Variants in ZEB1 observed in about 807,000 individuals in gnomAD.
ZEB1 encodes zinc finger E-box binding homeobox 1.
A neutral mutation model predicts 84.9 loss-of-function variants in ZEB1; 21 were observed. The observed-to-expected ratio is 0.25, with a 90% CI of 0.18 to 0.36. The LOEUF (loss-of-function observed/expected upper bound fraction) is 0.36, where lower values mean the gene tolerates loss of function less well. ZEB1 is among the 10% of genes least tolerant of loss of function. ZEB1 has a pLI of 1.00. For synonymous variants in ZEB1, 420 were observed against 471.1 expected, an observed-to-expected ratio of 0.89 and a Z score of 1.41; for missense variants, 1,104 against 1,330.2, an observed-to-expected ratio of 0.83 and a Z score of 2.65.
intron 4 of ZEB1, among the ~76,000 whole-genome samples, chr10:31,504,718 A>G (rs1359673118): frequency 6.6e-6 from 1 of 151,958 alleles, no homozygotes; most frequent in Non-Finnish European, 1.5e-5. Flanking sequence ...TGTAGCTACT[A>G]TAAATGAGAT....
chr10:31,524,152 G>T, intron 8 of ZEB1, 39 bp downstream of exon 8: 1 of 1,564,336 alleles, frequency 6.4e-7, no homozygotes, highest in Non-Finnish European at 8.8e-7. Flanking sequence ...TCCATGATAT[G>T]ATATACTGGA....
rs1050015633 is a variant in ZEB1, at chr10:31,448,514, C to A, written c.59-12523C>A. 5.4e-4 allele frequency among the ~76,000 whole-genome samples: 81 copies of A among 150,870 alleles called. 3 individuals are homozygous for A. The highest frequency in any genetic ancestry group is 2.0e-3 in the African/African-American group (79 of 40,480). ...CTGCGTTTTAGAGTTTCCACTTTTT[C>A]TGTTCTGTTTTTTCCCCATCTTTGT... On this transcript the variant is annotated intron_variant, in intron 1 of 8. Coordinates refer to ENST00000424869, the MANE Select transcript of ZEB1 (RefSeq NM_001174096.2).
chr10:31,519,990 T>C (rs1447679443), intron 6 of ZEB1, 136 bp from the exon 7 acceptor site: 2 of 1,186,716 alleles, frequency 1.7e-6, no homozygotes, highest in African/African-American at 3.1e-5. Flanking sequence ...AAGTTTATTC[T>C]AAATACAGTT....
chr10:31,498,364 TTCTC>T (rs2067584173), intron 3 of ZEB1, among the ~76,000 whole-genome samples: 1 of 152,066 alleles, frequency 6.6e-6, no homozygotes, highest in South Asian at 2.1e-4. Context: ...GTAATACATT[TTCTC>T]TCTGTGATCT....
At chr10:31,411,028 G>A (rs555550410) in intron 1 of ZEB1, among the ~76,000 whole-genome samples, 13 of 151,812 alleles carry the variant, frequency 8.6e-5, no homozygotes, top group African/African-American at 1.7e-4. Flanking sequence ...ATTTCTTGTC[G>A]TCTGCTAGCT....
chr10:31,528,706 A>G lies in ZEB1; in HGVS notation c.*1442A>G, dbSNP rs1834606974. On this transcript the variant is annotated 3_prime_UTR_variant, in exon 9 of 9. Coordinates refer to ENST00000424869, the MANE Select transcript of ZEB1 (RefSeq NM_001174096.2). ...GTATAATACTGTAGTTTGTATTAAT[A>G]CAATAATATATTTTAGTATGAAAAT... The G allele has an allele frequency of 6.6e-6, 1 of 152,170 alleles. No individual in the cohort carries two copies. Among genetic ancestry groups the G allele is most frequent in the Non-Finnish European group, 1.5e-5 (1 of 68,028 alleles). 9.4% of individuals were successfully genotyped at this position (152,170 alleles called of 1,614,324 possible). A position where few individuals can be genotyped will look rare whatever the true frequency, so the allele number is the denominator to read the frequency against.
At position 31,521,061 on chromosome 10, in the gene ZEB1, G is replaced by A. The variant is rs1426425871; in HGVS notation, c.1729G>A (p.Ala577Thr). The A allele has an allele frequency of 6.2e-7, 1 of 1,614,038 alleles. No individual in the cohort carries two copies. Among genetic ancestry groups the A allele is most frequent in the Admixed American group, 1.7e-5 (1 of 60,014 alleles). ...AEKPESSVSS[A>T]TGDGNLSPSQ... Reference sequence around the variant, plus strand: ...GAAGCCTGAGTCCTCTGTTTCATCAGCTACTGGAGATGGCAATTTGTCTCC... The same window carrying A: ...GAAGCCTGAGTCCTCTGTTTCATCAACTACTGGAGATGGCAATTTGTCTCC... Residue 577 changes from alanine to threonine, a missense_variant, in exon 7 of 9, where the codon GCT becomes ACT. Ala to Thr is a moderately conservative substitution (Grantham distance 58, BLOSUM62 0). Transcript: ENST00000424869.
intron 8 of ZEB1, among the ~76,000 whole-genome samples, chr10:31,525,867 A>T (rs1046337149): frequency 2.6e-5 from 4 of 152,236 alleles, no homozygotes; most frequent in Non-Finnish European, 4.4e-5. Context: ...CTTCCTCTTC[A>T]GGCAAAGTTA....
intron 1 of ZEB1, among the ~76,000 whole-genome samples, chr10:31,423,865 A>C (rs2136097745): frequency 6.6e-6 from 1 of 152,204 alleles, no homozygotes; most frequent in South Asian, 2.1e-4. Context: ...ATGCTACTCT[A>C]ATTTCAGCAG....
At chr10:31,361,181 A>T in intron 1 of ZEB1, 1 of 1,611,954 alleles carries the variant, frequency 6.2e-7, no homozygotes, top group East Asian at 2.2e-5. Context: ...GTCCCAAAAG[A>T]CCATCCTGCT....
At chr10:31,460,460 T>G (rs993140022) in intron 1 of ZEB1, among the ~76,000 whole-genome samples, 2 of 152,164 alleles carry the variant, frequency 1.3e-5, no homozygotes, top group Non-Finnish European at 2.9e-5. Context: ...GTAAACTTGA[T>G]GATGTAATGC....
chr10:31,475,058 T>A, intron 2 of ZEB1, among the ~76,000 whole-genome samples: 2 of 127,926 alleles, frequency 1.6e-5, no homozygotes, highest in African/African-American at 5.8e-5. Flanking sequence ...CTGGGGACTG[T>A]TGTGGGGTGG....
chr10:31,443,618 T>G (rs2059335420), intron 1 of ZEB1, among the ~76,000 whole-genome samples: 1 of 141,542 alleles, frequency 7.1e-6, no homozygotes, highest in East Asian at 2.1e-4. Flanking sequence ...TGTGTCCATG[T>G]GCTCTCATTG....
At chr10:31,378,660 A>C (rs1564647061) in intron 1 of ZEB1, among the ~76,000 whole-genome samples, 2 of 151,938 alleles carry the variant, frequency 1.3e-5, no homozygotes, top group African/African-American at 4.8e-5. Flanking sequence ...GGATTTGCTT[A>C]CTGCGGTGTA....
intron 4 of ZEB1, among the ~76,000 whole-genome samples, chr10:31,509,780 T>C (rs1013181133): frequency 3.3e-5 from 5 of 152,210 alleles, no homozygotes; most frequent in Admixed American, 2.6e-4. Context: ...AGATATCACT[T>C]AATTTATTTC....
chr10:31,320,603 G>C (rs1201145198), intron 1 of ZEB1: 1 of 151,926 alleles, frequency 6.6e-6, no homozygotes, highest in Non-Finnish European at 1.5e-5. Flanking sequence ...TCTGCCTGGC[G>C]TGAGAGTTAA....
intron 1 of ZEB1, among the ~76,000 whole-genome samples, chr10:31,398,369 T>G (rs368247822): frequency 1.3e-5 from 2 of 152,114 alleles, no homozygotes; most frequent in East Asian, 3.8e-4. Context: ...ATTCTAAATT[T>G]TGGATAAATA....
chr10:31,520,336 A>G lies in ZEB1; in HGVS notation c.1004A>G (p.Asn335Ser), dbSNP rs1199819193. 19 of 1,613,854 alleles carry G rather than the reference A, an allele frequency of 1.2e-5. No individual in the cohort carries two copies. Among genetic ancestry groups the G allele is most frequent in the Non-Finnish European group, 1.6e-5 (19 of 1,179,928 alleles). ...TRPQIRQKIE[N>S]KPLQEQLSVN... ...CCACAGATACGGCAAAAGATAGAGA[A>G]TAAACCCCTTCAAGAACAACTTTCT... The change falls in exon 7 of 9, where the codon AAT becomes AGT. Residue 335 changes from asparagine to serine, a missense_variant. Asn to Ser is a conservative substitution (Grantham distance 46, BLOSUM62 1). Coordinates refer to ENST00000424869, the MANE Select transcript of ZEB1 (RefSeq NM_001174096.2). This position sits in a 1 kb window ranked among gnomAD's most constrained non-coding sequence, Gnocchi z 5.1.
intron 6 of ZEB1, among the ~76,000 whole-genome samples, chr10:31,515,479 T>A (rs950443926): frequency 6.6e-6 from 1 of 152,136 alleles, no homozygotes; most frequent in Admixed American, 6.6e-5. Flanking sequence ...GAAAAAATTA[T>A]TAACCATGAA....
Sources: allele counts gnomAD v4.1 joint callset (sites outside exome capture counted in the v4.1 genomes callset), GRCh38; gene constraint gnomAD v4.1.1; non-coding constraint Gnocchi (gnomAD v3.1); transcripts MANE v1.5; gene names NCBI Gene and HGNC (gene_info 2026-07-23, HGNC 2026-07-21).